TESPA1: variants seen among roughly 807,000 people sequenced by gnomAD.
TESPA1 encodes the protein thymocyte expressed, positive selection associated 1.
In TESPA1, 33 loss-of-function variants were observed where a neutral mutation model predicts 57.9. The observed-to-expected ratio is 0.57, with a 90% CI of 0.43 to 0.76. The LOEUF is 0.76. TESPA1 is among the 30% of genes least tolerant of loss of function. TESPA1 has a pLI of 0.00. For missense variants in TESPA1, 618 were observed against 632.9 expected (o/e 0.98, Z 0.25); for synonymous variants, 227 against 228.9 (o/e 0.99, Z 0.07).
chr12:54,958,112 G>A (rs1297429590), intron 10 of TESPA1, among the ~76,000 whole-genome samples: 1 of 152,190 alleles, frequency 6.6e-6, no homozygotes, highest in African/African-American at 2.4e-5. Flanking sequence ...TTTAGACAAA[G>A]TTGGGACAGG....
intron 10 of TESPA1, among the ~76,000 whole-genome samples, chr12:54,952,093 A>G (rs1950436114): frequency 2.0e-5 from 3 of 152,102 alleles, no homozygotes; most frequent in African/African-American, 4.8e-5. Flanking sequence ...GATTAGATAA[A>G]CTCATCAGGG....
At chr12:54,968,007 T>G in intron 3 of TESPA1, 115 bp from the exon 4 acceptor site, 1 of 1,551,574 alleles carries the variant, frequency 6.4e-7, no homozygotes, top group Non-Finnish European at 8.7e-7. Context: ...CAGTAGTATT[T>G]AATTTGCTTT....
At chr12:54,982,147 GT>G (rs775814653) in intron 1 of TESPA1, among the ~76,000 whole-genome samples, 1 of 152,206 alleles carries the variant, frequency 6.6e-6, no homozygotes, top group Non-Finnish European at 1.5e-5. Flanking sequence ...CAGGTGGATT[GT>G]CCCCCATTTG....
intron 9 of TESPA1, among the ~76,000 whole-genome samples, chr12:54,962,029 T>C (rs1412922352): frequency 6.6e-6 from 1 of 152,218 alleles, no homozygotes; most frequent in Non-Finnish European, 1.5e-5. Flanking sequence ...GAATCCTAGA[T>C]TGAAATCTGG....
rs1438507105 is a variant in TESPA1, at chr12:54,950,206, G to A, written c.*186C>T. On this transcript the variant is annotated 3_prime_UTR_variant, in exon 11 of 11. Coordinates refer to ENST00000449076, the MANE Select transcript of TESPA1 (RefSeq NM_001136030.3). ...AGCATTAGGATGTGGATTCCAAATCGCTCAGTCTGGTCTTCCTCCCCATGT... is the reference window on the plus strand; with the variant it reads ...AGCATTAGGATGTGGATTCCAAATCACTCAGTCTGGTCTTCCTCCCCATGT... 6 of 451,282 alleles carry A rather than the reference G, an allele frequency of 1.3e-5. No individual in the cohort carries two copies. Among genetic ancestry groups the A allele is most frequent in the Admixed American group, 2.4e-5 (1 of 41,942 alleles). The allele number at this position is 451,282 out of a possible 1,614,324, so 28.0% of individuals were successfully genotyped here. A position where few individuals can be genotyped will look rare whatever the true frequency, so the allele number is the denominator to read the frequency against.
At chr12:54,975,941 T>C (rs1302927836) in intron 1 of TESPA1, among the ~76,000 whole-genome samples, 1 of 152,194 alleles carries the variant, frequency 6.6e-6, no homozygotes, top group Non-Finnish European at 1.5e-5. Context: ...CTAACTTCCT[T>C]CACTTCAGGT....
intron 9 of TESPA1, among the ~76,000 whole-genome samples, chr12:54,961,908 C>G (rs899808734): frequency 1.3e-5 from 2 of 152,130 alleles, no homozygotes; most frequent in Non-Finnish European, 2.9e-5. Context: ...TGCAAGGTCC[C>G]TTATGGTATA....
At chr12:54,976,683 T>C (rs1361729078) in intron 1 of TESPA1, among the ~76,000 whole-genome samples, 2 of 152,164 alleles carry the variant, frequency 1.3e-5, no homozygotes, top group Non-Finnish European at 2.9e-5. Context: ...AGCCCTAACA[T>C]TGATGCATCT....
chr12:54,966,211 A>C, intron 6 of TESPA1, 60 bp from the exon 7 acceptor site: 1 of 1,566,386 alleles, frequency 6.4e-7, no homozygotes, highest in Admixed American at 1.9e-5. Context: ...CCTGGCTTCG[A>C]GGAATCCCTG....
At chr12:54,953,522 C>CTTTTTTTCTTT (rs1950530055) in intron 10 of TESPA1, among the ~76,000 whole-genome samples, 2 of 135,378 alleles carry the variant, frequency 1.5e-5, no homozygotes, top group East Asian at 5.8e-4. Context: ...TTTTTATTTA[C>CTTTTTTTCTTT]TTTTTTTTTT....
intron 4 of TESPA1, 46 bp from the exon 5 acceptor site, chr12:54,967,282 T>C (rs1951503235): frequency 1.3e-6 from 2 of 1,599,950 alleles, no homozygotes; most frequent in African/African-American, 2.7e-5. Context: ...GGATGGAACA[T>C]ATACACATGC....
chr12:54,971,001 G>A (rs1951796352), intron 3 of TESPA1, among the ~76,000 whole-genome samples: 1 of 152,198 alleles, frequency 6.6e-6, no homozygotes, highest in Non-Finnish European at 1.5e-5. Flanking sequence ...AAAGAAAAAA[G>A]GAGAGGCATA....
intron 8 of TESPA1, 32 bp from the exon 9 acceptor site, chr12:54,963,274 G>C: frequency 3.8e-6 from 6 of 1,565,886 alleles, no homozygotes; most frequent in Non-Finnish European, 4.3e-6. Context: ...GGTAAGTCTG[G>C]GGTTCATCAG....
At chr12:54,970,926 C>T (rs1374224220) in intron 3 of TESPA1, among the ~76,000 whole-genome samples, 2 of 152,188 alleles carry the variant, frequency 1.3e-5, no homozygotes, top group Admixed American at 6.5e-5. Flanking sequence ...GGCTCCCAAC[C>T]CCACCTCTGG....
chr12:54,954,205 C>T (rs190051987), intron 10 of TESPA1, among the ~76,000 whole-genome samples: 292 of 152,324 alleles, frequency 1.9e-3, no homozygotes, highest in Middle Eastern at 6.8e-3. Flanking sequence ...CTGATGGAAA[C>T]GGCCTTGGCT....
intron 10 of TESPA1, among the ~76,000 whole-genome samples, chr12:54,953,522 C>T (rs1592300803): frequency 1.5e-5 from 2 of 135,366 alleles, no homozygotes; most frequent in African/African-American, 2.8e-5. Context: ...TTTTTATTTA[C>T]TTTTTTTTTT....
chr12:54,977,041 C>G (rs141069455), intron 1 of TESPA1, among the ~76,000 whole-genome samples: 1 of 151,950 alleles, frequency 6.6e-6, no homozygotes, highest in East Asian at 1.9e-4. Context: ...CTACCTTAAT[C>G]GCTTTCACTG....
At chr12:54,976,376 C>A (rs952531231) in intron 1 of TESPA1, among the ~76,000 whole-genome samples, 2 of 152,110 alleles carry the variant, frequency 1.3e-5, no homozygotes, top group African/African-American at 4.8e-5. Context: ...ATCACAAAGG[C>A]CGACTTGTCT....
chr12:54,974,501 C>G lies in TESPA1; in HGVS notation c.62G>C (p.Ser21Thr). 1 of 1,601,978 alleles carries G rather than the reference C, an allele frequency of 6.2e-7. No individual in the cohort carries two copies. The highest frequency in any genetic ancestry group is 8.5e-7 in the Non-Finnish European group (1 of 1,174,236). The change falls in exon 2 of 11, where the codon AGC becomes ACC. Residue 21 changes from serine (S) to threonine (T), a missense_variant. This residue lies in a region of TESPA1 where 199 missense variants were observed against 184.0 expected (regional missense o/e 1.08). Transcript: ENST00000449076. ...TAGGACCTGGGTCTGCCAGTTACGG[C>G]TCTGACGGAGCCAGGCCCGCCGTTT... ...WEKRRAWLRQ[S>T]RNWQTQVLEE...
Sources: gnomAD v4.1 joint callset for allele counts (sites outside exome capture counted in the v4.1 genomes callset) on GRCh38, gnomAD v4.1.1 for gene constraint, gnomAD v4.1.1 regional missense constraint, MANE v1.5 for transcripts, NCBI Gene and HGNC (gene_info 2026-07-23, HGNC 2026-07-21) for gene names.